The following IRAK2 variants were observed in gnomAD, a reference collection of about 807,000 sequenced individuals.
IRAK2 encodes the protein interleukin 1 receptor associated kinase 2.
In IRAK2, 57 loss-of-function variants were observed where a neutral mutation model predicts 72.0. The observed-to-expected ratio is 0.79, with a 90% CI of 0.64 to 0.99. The LOEUF (loss-of-function observed/expected upper bound fraction) is 0.99, where lower values mean the gene tolerates loss of function less well. Ranked by LOEUF, IRAK2 falls within the 50% of genes least tolerant of loss-of-function variation. The pLI is 0.00. For missense variants in IRAK2, 790 were observed against 794.4 expected, an observed-to-expected ratio of 0.99 and a Z score of 0.07; for synonymous variants, 293 against 312.7, an observed-to-expected ratio of 0.94 and a Z score of 0.67.
At chr3:10,213,604 T>A (rs1362414805) in intron 6 of IRAK2, 56 bp downstream of exon 6, 4 of 1,350,964 alleles carry the variant, frequency 3.0e-6, no homozygotes, top group African/African-American at 1.4e-5. Context: ...TAGTGCTTCC[T>A]GTGTGCCCAG....
chr3:10,237,929 C>CTGTGTGTGTG (rs138639711), intron 11 of IRAK2, among the ~76,000 whole-genome samples: 4,582 of 138,248 alleles, frequency 0.033, 108 homozygotes, highest in Non-Finnish European at 0.038. Context: ...TATGTGTGCT[C>CTGTGTGTGTG]TGTGTGTGTG....
At chr3:10,219,618 G>T (rs891827729) in intron 7 of IRAK2, 62 bp from the exon 8 acceptor site, 2 of 1,295,338 alleles carry the variant, frequency 1.5e-6, no homozygotes, top group Non-Finnish European at 2.2e-6. Flanking sequence ...GCACCTGGCT[G>T]CCATCAGGAC....
chr3:10,229,697 A>G (rs927064334), intron 10 of IRAK2, among the ~76,000 whole-genome samples: 3 of 152,126 alleles, frequency 2.0e-5, no homozygotes, highest in African/African-American at 7.2e-5. Flanking sequence ...AGAGTATTCC[A>G]TTGTATGGAT....
chr3:10,173,241 C>T (rs562116005), intron 1 of IRAK2, among the ~76,000 whole-genome samples: 4 of 152,186 alleles, frequency 2.6e-5, no homozygotes, highest in Admixed American at 2.0e-4. Flanking sequence ...ACCCAGGCCC[C>T]GAATCCCAAT....
At position 10,242,146 on chromosome 3, in the gene IRAK2, A is replaced by T. The variant is rs1575996222; in HGVS notation, c.1796A>T (p.Asn599Ile). The T allele has an allele frequency of 1.5e-5, 25 of 1,613,394 alleles. No individual in the cohort carries two copies. The highest frequency in any genetic ancestry group is 2.1e-5 in the Non-Finnish European group (25 of 1,179,574). The part of the protein sequence containing the change: ...VTETSWQIEI[N>I]EAKRKLMENI... ...GAAACTTCGTGGCAAATTGAGATCA[A>T]TGAGGCCAAAAGGAAACTGATGGAG... The change falls in exon 13 of 13, where the codon AAT becomes ATT. Residue 599 changes from asparagine to isoleucine, a missense_variant. Transcript: ENST00000256458.
chr3:10,184,336 C>G (rs1697009487), intron 2 of IRAK2, among the ~76,000 whole-genome samples: 1 of 152,214 alleles, frequency 6.6e-6, no homozygotes, highest in Non-Finnish European at 1.5e-5. Context: ...GGACCATTAG[C>G]AGTTTCTGCC....
chr3:10,185,083 G>T lies in IRAK2; in HGVS notation c.277+7063G>T, dbSNP rs563646165. ...AGTTCTTTGCTTGGCCCATCTGGCA[G>T]CCCTTGGTTCTCAGTGATCTGTGAT... On this transcript the variant is annotated intron_variant, in intron 2 of 12. Coordinates refer to ENST00000256458, the MANE Select transcript of IRAK2 (RefSeq NM_001570.4). Among the ~76,000 whole-genome samples the T allele has an allele frequency of 4.7e-4, 71 of 151,336 alleles. 2 individuals carry two copies. The highest frequency in any genetic ancestry group is 1.7e-3 in the Admixed American group (26 of 15,246).
intron 1 of IRAK2, among the ~76,000 whole-genome samples, chr3:10,172,067 C>G (rs955129790): frequency 1.3e-5 from 2 of 151,872 alleles, no homozygotes; most frequent in Non-Finnish European, 2.9e-5. Context: ...GAAACTCTGT[C>G]CCTACTAAAA....
At chr3:10,210,132 C>G (rs2125154671) in intron 4 of IRAK2, among the ~76,000 whole-genome samples, 1 of 152,234 alleles carries the variant, frequency 6.6e-6, no homozygotes, top group African/African-American at 2.4e-5. Flanking sequence ...TGTTGGCCAG[C>G]TTGGTCTCGA....
rs56154338 is a variant in IRAK2 at position 10,213,284 on chromosome 3, C to T, written c.606C>T (p.Asp202=). ...AGDSLFWSEA[D]VVQATDDFNQ... ...ACAGCCTTTTCTGGAGTGAGGCAGA[C>T]GTGGTCCAGGCAACCGATGACTTCA... is the stretch of plus-strand genomic sequence containing the variant. Residue 202 remains aspartate (D), a synonymous_variant, in exon 5 of 13, where the codon GAC becomes GAT. Coordinates refer to ENST00000256458, the MANE Select transcript of IRAK2 (RefSeq NM_001570.4). The T allele has an allele frequency of 3.5e-3, 5,605 of 1,614,126 alleles. 12 individuals carry two copies. The highest frequency in any genetic ancestry group is 4.8e-3 in the Middle Eastern group (29 of 6,062).
chr3:10,228,074 C>T (rs779902), intron 10 of IRAK2, among the ~76,000 whole-genome samples: 30,648 of 151,816 alleles, frequency 0.2, 4,300 homozygotes, highest in East Asian at 0.64. Context: ...ACTTGTCTCA[C>T]GCCCCTCAGT....
chr3:10,223,289 A>G (rs1265037478), intron 9 of IRAK2, among the ~76,000 whole-genome samples: 1 of 151,906 alleles, frequency 6.6e-6, no homozygotes, highest in East Asian at 1.9e-4. Flanking sequence ...TCATCCATCT[A>G]CCCTTTAGCT....
intron 3 of IRAK2, among the ~76,000 whole-genome samples, chr3:10,206,658 C>T (rs1055204578): frequency 7.9e-5 from 12 of 151,938 alleles, no homozygotes; most frequent in South Asian, 4.1e-4. Flanking sequence ...CAGGTTTAAG[C>T]GATTCTTGTG....
chr3:10,233,943 C>T (rs1190374634), intron 10 of IRAK2, among the ~76,000 whole-genome samples: 1 of 151,964 alleles, frequency 6.6e-6, no homozygotes, highest in Non-Finnish European at 1.5e-5. Context: ...CCGCCCCCCA[C>T]CTCCCCCACC....
At chr3:10,182,068 A>C (rs1346415112) in intron 2 of IRAK2, among the ~76,000 whole-genome samples, 1 of 147,736 alleles carries the variant, frequency 6.8e-6, no homozygotes, top group Non-Finnish European at 1.5e-5. Flanking sequence ...CCCAGGTTCA[A>C]GCGATTCTCT....
At chr3:10,199,425 G>A (rs887891216) in intron 2 of IRAK2, among the ~76,000 whole-genome samples, 1 of 152,218 alleles carries the variant, frequency 6.6e-6, no homozygotes, top group Non-Finnish European at 1.5e-5. Flanking sequence ...ATGAGAAGCA[G>A]AGATGTTGTG....
At chr3:10,189,649 A>T (rs1697143275) in intron 2 of IRAK2, among the ~76,000 whole-genome samples, 1 of 152,124 alleles carries the variant, frequency 6.6e-6, no homozygotes, top group Admixed American at 6.5e-5. Context: ...ACAGTTTCTA[A>T]CTTTGGGTTT....
chr3:10,215,742 TCA>T lies in IRAK2; in HGVS notation c.789-1189_789-1188del, dbSNP rs945610419. Among the ~76,000 whole-genome samples the T allele has an allele frequency of 1.4e-4, 16 of 115,404 alleles. 1 individual carries two copies. The highest frequency in any genetic ancestry group is 2.6e-4 in the Non-Finnish European group (14 of 54,052). 75.7% of individuals were successfully genotyped at this position (115,404 alleles called of 152,430 possible). On this transcript the variant is annotated intron_variant, in intron 6 of 12. Coordinates refer to ENST00000256458, the MANE Select transcript of IRAK2 (RefSeq NM_001570.4). ...TCTATTCATACATGTATATGAATAC[TCA>T]CATGTGTACACACACACACACACAC...
intron 1 of IRAK2, among the ~76,000 whole-genome samples, chr3:10,167,746 G>A (rs1224339281): frequency 6.6e-6 from 1 of 152,046 alleles, no homozygotes; most frequent in Non-Finnish European, 1.5e-5. Context: ...AATGTTCCAT[G>A]GTATGGATAT....
Sources: allele counts gnomAD v4.1 joint callset (sites outside exome capture counted in the v4.1 genomes callset), GRCh38; gene constraint gnomAD v4.1.1; transcripts MANE v1.5; gene names NCBI Gene and HGNC (gene_info 2026-07-23, HGNC 2026-07-21).